The following LRTM3 variants were observed in gnomAD, a reference collection of about 807,000 sequenced individuals.
LRTM3 encodes the protein leucine rich repeat transmembrane protein 3.
At chr13:102,742,127 TA>T in the LRTM3 span, 1 of 1,550,462 alleles carries the variant, frequency 6.4e-7, no homozygotes. Context: ...AGACACACAG[TA>T]TCCAGAGTCA....
chr13:102,747,486 G>A, the LRTM3 span: 1 of 1,549,332 alleles, frequency 6.5e-7, no homozygotes, highest in Non-Finnish European at 8.7e-7. Context: ...TTAATTTCCT[G>A]CCTTTTAAAA....
the LRTM3 span, among the ~76,000 whole-genome samples, chr13:102,758,229 C>T: frequency 4.6e-5 from 7 of 152,084 alleles, no homozygotes; most frequent in Non-Finnish European, 1.0e-4. Context: ...CAATAATATA[C>T]GAAAAGTCCT....
At chr13:102,750,113 T>A in the LRTM3 span, 1 of 1,551,178 alleles carries the variant, frequency 6.4e-7, no homozygotes. Context: ...AAATAATTTC[T>A]TGGAGGAAAA....
chr13:102,747,990 T>C, the LRTM3 span: 2 of 1,551,104 alleles, frequency 1.3e-6, no homozygotes, highest in South Asian at 2.4e-5. Context: ...TGTTGTGGCT[T>C]TTTAAATGTA....
At chr13:102,740,700 T>G in the LRTM3 span, 1 of 1,548,082 alleles carries the variant, frequency 6.5e-7, no homozygotes. Flanking sequence ...AATAGATCTG[T>G]TTTGGAGTGA....
chr13:102,735,999 T>C, the LRTM3 span: 94 of 1,549,956 alleles, frequency 6.1e-5, no homozygotes, highest in Non-Finnish European at 7.4e-5. Context: ...CTCAAATGTA[T>C]CCTTTTGGGG....
the LRTM3 span, chr13:102,749,389 A>G: frequency 5.8e-6 from 9 of 1,551,404 alleles, no homozygotes; most frequent in Admixed American, 5.9e-5. Flanking sequence ...GTTGTGGCAT[A>G]TCTTCAGTGA....
At chr13:102,757,526 C>T in the LRTM3 span, among the ~76,000 whole-genome samples, 1,039 of 152,332 alleles carry the variant, frequency 6.8e-3, 18 homozygotes, top group African/African-American at 0.024. Context: ...TCCACTACTT[C>T]CTGACTCAAC....
the LRTM3 span, chr13:102,729,680 T>C: frequency 1.3e-6 from 2 of 1,551,872 alleles, no homozygotes; most frequent in Non-Finnish European, 1.7e-6. Context: ...TCTTTCAGAA[T>C]AGAAGTTGAT....
the LRTM3 span, chr13:102,732,951 AT>A: frequency 6.4e-7 from 1 of 1,551,468 alleles, no homozygotes; most frequent in Non-Finnish European, 8.7e-7. Context: ...TTCGGAAGAA[AT>A]TCCAGAACAC....
At chr13:102,744,419 C>G in the LRTM3 span, 1 of 1,549,768 alleles carries the variant, frequency 6.5e-7, no homozygotes, top group Admixed American at 2.0e-5. Flanking sequence ...AGGGGTATCA[C>G]GTGGTATTGA....
the LRTM3 span, chr13:102,731,057 C>T: frequency 6.4e-7 from 1 of 1,551,384 alleles, no homozygotes; most frequent in Non-Finnish European, 8.7e-7. Context: ...GAGGAGTTTG[C>T]CTTTTTCTTT....
the LRTM3 span, chr13:102,746,915 T>G: frequency 6.4e-7 from 1 of 1,551,242 alleles, no homozygotes; most frequent in Non-Finnish European, 8.7e-7. Flanking sequence ...CTTCACATTC[T>G]CAGCATGAGA....
chr13:102,742,157 C>G, the LRTM3 span: 1 of 1,550,398 alleles, frequency 6.4e-7, no homozygotes, highest in East Asian at 2.4e-5. Context: ...CTTTAGAACT[C>G]GATGTACTGC....
the LRTM3 span, chr13:102,740,834 G>T: frequency 6.5e-7 from 1 of 1,549,752 alleles, no homozygotes; most frequent in Non-Finnish European, 8.7e-7. Flanking sequence ...TGCCTTTAAT[G>T]CTTTCTTTAC....
chr13:102,756,054 A>G, the LRTM3 span, among the ~76,000 whole-genome samples: 45,098 of 149,156 alleles, frequency 0.3, 7,053 homozygotes, highest in South Asian at 0.36. Flanking sequence ...CTGCCTCCCA[A>G]GTTCAAGCCA....
chr13:102,742,288 C>A, the LRTM3 span: 10 of 1,550,202 alleles, frequency 6.5e-6, no homozygotes, highest in Non-Finnish European at 8.7e-6. Flanking sequence ...TCAATTTTAT[C>A]TGTTTGGTAT....
At chr13:102,741,529 ATCT>A in the LRTM3 span, 1 of 1,549,966 alleles carries the variant, frequency 6.5e-7, no homozygotes, top group African/African-American at 1.4e-5. Flanking sequence ...TAATGTACAC[ATCT>A]TCTTCCTCAG....
chr13:102,745,358 C>G, the LRTM3 span: 2 of 1,550,378 alleles, frequency 1.3e-6, no homozygotes, highest in Non-Finnish European at 8.7e-7. Context: ...TCTTTTTTCT[C>G]TTAGCGTGTC....
Sources: gnomAD v4.1 joint callset for allele counts (sites outside exome capture counted in the v4.1 genomes callset) on GRCh38, gnomAD v4.1.1 for gene constraint, MANE v1.5 for transcripts, NCBI Gene and HGNC (gene_info 2026-07-23, HGNC 2026-07-21) for gene names.